The following UBE2D2 variants were observed in gnomAD, a reference collection of about 807,000 sequenced individuals.
UBE2D2 encodes the protein ubiquitin conjugating enzyme E2 D2.
In UBE2D2, 2 loss-of-function variants were observed where a neutral mutation model predicts 24.2. The observed-to-expected ratio is 0.08, with a 90% CI of 0.03 to 0.26. The LOEUF is 0.26. UBE2D2 is among the 10% of genes least tolerant of loss of function. The pLI is 1.00. For missense variants in UBE2D2, 44 were observed against 177.6 expected, an observed-to-expected ratio of 0.25 and a Z score of 4.28; for synonymous variants, 58 against 56.5, an observed-to-expected ratio of 1.03 and a Z score of -0.12.
At chr5:139,530,065 A>T (rs1242551781) in intron 1 of UBE2D2, among the ~76,000 whole-genome samples, 1 of 152,182 alleles carries the variant, frequency 6.6e-6, no homozygotes, top group Admixed American at 6.5e-5. Flanking sequence ...AAGGAAAAGG[A>T]TTCACTCATC....
upstream of UBE2D2, among the ~76,000 whole-genome samples, chr5:139,557,517 G>A (rs1414123502): frequency 2.0e-5 from 3 of 152,122 alleles, no homozygotes; most frequent in Admixed American, 1.3e-4. Context: ...GGAGGCCGAG[G>A]CGGGCAGATC....
At chr5:139,609,767 TTTTG>T (rs1460363294) in intron 2 of UBE2D2, among the ~76,000 whole-genome samples, 5 of 150,850 alleles carry the variant, frequency 3.3e-5, no homozygotes, top group African/African-American at 1.2e-4. Flanking sequence ...TTCTTTCTTT[TTTTG>T]TTTTTTTGTT....
intron 1 of UBE2D2, among the ~76,000 whole-genome samples, chr5:139,571,360 T>C (rs1363765130): frequency 6.8e-6 from 1 of 147,512 alleles, no homozygotes; most frequent in Non-Finnish European, 1.5e-5. Context: ...TGTGCCGAGG[T>C]CGTGCCACTG....
At chr5:139,600,480 T>G in intron 2 of UBE2D2, 45 bp downstream of exon 2, 256 of 1,592,104 alleles carry the variant, frequency 1.6e-4, no homozygotes, top group Non-Finnish European at 2.0e-4. Context: ...TAACAGTGGT[T>G]ATTTTGTGTG....
chr5:139,595,889 GTT>G (rs1038434502), intron 1 of UBE2D2, among the ~76,000 whole-genome samples: 3 of 113,014 alleles, frequency 2.7e-5, no homozygotes, highest in African/African-American at 1.1e-4. Context: ...TTTGTTTTTT[GTT>G]GTTTTTTTTT....
intron 1 of UBE2D2, among the ~76,000 whole-genome samples, chr5:139,566,715 T>TATAAAA (rs1753228228): frequency 6.6e-6 from 1 of 152,054 alleles, no homozygotes; most frequent in African/African-American, 2.4e-5. Flanking sequence ...CTCTGATGTC[T>TATAAAA]ATAAAAGCCA....
At chr5:139,541,392 G>C (rs1177151139) in intron 1 of UBE2D2, among the ~76,000 whole-genome samples, 1 of 151,226 alleles carries the variant, frequency 6.6e-6, no homozygotes, top group Non-Finnish European at 1.5e-5. Flanking sequence ...ACAAGTTCAG[G>C]AGTTCGAGAC....
intron 1 of UBE2D2, among the ~76,000 whole-genome samples, chr5:139,550,311 C>T (rs1248535200): frequency 6.6e-6 from 1 of 152,086 alleles, no homozygotes; most frequent in Non-Finnish European, 1.5e-5. Flanking sequence ...GAACTTTTAC[C>T]TCAGGCTGGA....
intron 1 of UBE2D2, among the ~76,000 whole-genome samples, chr5:139,595,130 C>T (rs1005402518): frequency 1.3e-5 from 2 of 152,110 alleles, no homozygotes; most frequent in Non-Finnish European, 1.5e-5. Context: ...ACTTTATTTC[C>T]CTATTGTTCT....
chr5:139,610,096 T>C (rs1581527794), intron 2 of UBE2D2, among the ~76,000 whole-genome samples: 1 of 152,178 alleles, frequency 6.6e-6, no homozygotes, highest in South Asian at 2.1e-4. Flanking sequence ...AAAAATAGTT[T>C]AGTGTATTTT....
chr5:139,550,612 C>G (rs150208844), intron 1 of UBE2D2, among the ~76,000 whole-genome samples: 13 of 152,080 alleles, frequency 8.5e-5, no homozygotes, highest in Non-Finnish European at 1.5e-4. Context: ...TAACTTGCTG[C>G]TGCTCATTCT....
chr5:139,547,645 A>C (rs1752851382), intron 1 of UBE2D2, among the ~76,000 whole-genome samples: 1 of 151,874 alleles, frequency 6.6e-6, no homozygotes, highest in Non-Finnish European at 1.5e-5. Flanking sequence ...AGTAGCTAGA[A>C]GCTGGAATTA....
chr5:139,604,298 C>T (rs1441591438), intron 2 of UBE2D2, among the ~76,000 whole-genome samples: 1 of 151,780 alleles, frequency 6.6e-6, no homozygotes. Flanking sequence ...GCCCCGCCGC[C>T]CAGCTAATTT....
In UBE2D2 at chr5:139,585,676, G is replaced by T. The variant is rs570766105; in HGVS notation, c.25-14696G>T. Among the ~76,000 whole-genome samples the T allele has an allele frequency of 4.6e-5, 7 of 152,214 alleles. No individual in the cohort carries two copies. In the East Asian group the frequency reaches 1.4e-3, roughly 29 times the overall value. The stretch of plus-strand genomic sequence containing the variant: ...CATTAATCCACTCAGACATTTGAGT[G>T]CCTCTAATGTTCCAGTCTCTACAGA... On this transcript the variant is annotated intron_variant, in intron 1 of 6. Coordinates refer to ENST00000398733, the MANE Select transcript of UBE2D2 (RefSeq NM_003339.3).
At chr5:139,563,185 A>C (rs1378516760) in intron 1 of UBE2D2, among the ~76,000 whole-genome samples, 1 of 152,212 alleles carries the variant, frequency 6.6e-6, no homozygotes, top group Non-Finnish European at 1.5e-5. Context: ...GTCTTAAACT[A>C]AGTCAGAATA....
In UBE2D2 at chr5:139,614,786, G is replaced by A. The variant is rs752303199; in HGVS notation, c.198+12G>A. 1.5e-5 allele frequency: 25 copies of A among 1,613,338 alleles called. No individual in the cohort carries two copies. The East Asian group carries it at 5.4e-4, about 35-fold the overall frequency. ...TCAAACCACCTAAGGTAATTAATTG[G>A]AATGTGGCAGTTTTTAATGTACTTT... On this transcript the variant is annotated intron_variant, in intron 4 of 6. Coordinates refer to ENST00000398733, the MANE Select transcript of UBE2D2 (RefSeq NM_003339.3).
chr5:139,551,417 A>G (rs1438011903), intron 1 of UBE2D2, among the ~76,000 whole-genome samples: 1 of 152,240 alleles, frequency 6.6e-6, no homozygotes. Context: ...CAAGGACAGA[A>G]GAGGGACAAT....
At chr5:139,623,498 G>A (rs755119193) in intron 6 of UBE2D2, 37 bp downstream of exon 6, 3 of 1,526,736 alleles carry the variant, frequency 2.0e-6, no homozygotes, top group Non-Finnish European at 2.7e-6. Flanking sequence ...TATCTGTGGT[G>A]GGATGGAGAT....
chr5:139,583,017 C>T (rs910809990), intron 1 of UBE2D2, among the ~76,000 whole-genome samples: 8 of 151,462 alleles, frequency 5.3e-5, no homozygotes, highest in South Asian at 2.1e-4. Flanking sequence ...CTTTGTCGCC[C>T]GGGCTGGAGT....
Sources: allele counts gnomAD v4.1 joint callset (sites outside exome capture counted in the v4.1 genomes callset), GRCh38; gene constraint gnomAD v4.1.1; transcripts MANE v1.5; gene names NCBI Gene and HGNC (gene_info 2026-07-23, HGNC 2026-07-21).